MACC1: variants seen among roughly 807,000 people sequenced by gnomAD.
MACC1 encodes the protein MET transcriptional regulator MACC1, also known as metastasis-associated in colon cancer protein 1.
A neutral mutation model predicts 70.7 loss-of-function variants in MACC1; 79 were observed. The observed-to-expected ratio is 1.12, with a 90% confidence interval of 0.93 to 1.35. The LOEUF (loss-of-function observed/expected upper bound fraction) is 1.35, where lower values mean the gene tolerates loss of function less well. MACC1 is among the 40% of genes most tolerant of loss of function. The probability of loss-of-function intolerance (pLI) is 0.00; values close to 1 mark genes in which losing one functional copy is unlikely to be tolerated. For synonymous variants in MACC1, 361 were observed against 347.2 expected, an observed-to-expected ratio of 1.04 and a Z score of -0.44; for missense variants, 1,106 against 978.1, an observed-to-expected ratio of 1.13 and a Z score of -1.74.
chr7:20,172,027 A>G (rs971266469), intron 1 of MACC1, among the ~76,000 whole-genome samples: 1 of 152,222 alleles, frequency 6.6e-6, no homozygotes, highest in Non-Finnish European at 1.5e-5. Context: ...CGAAATAAAA[A>G]GACATAACTA....
intron 2 of MACC1, among the ~76,000 whole-genome samples, chr7:20,164,772 A>C (rs899926120): frequency 6.6e-6 from 1 of 152,234 alleles, no homozygotes; most frequent in African/African-American, 2.4e-5. Flanking sequence ...AGCTGAGCTC[A>C]AGTTCCTCAG....
At chr7:20,152,982 A>G (rs557525649) in intron 6 of MACC1, among the ~76,000 whole-genome samples, 23 of 152,310 alleles carry the variant, frequency 1.5e-4, no homozygotes, top group Admixed American at 1.3e-4. Flanking sequence ...CCTATCTTTC[A>G]TCTCATTCTG....
intron 6 of MACC1, among the ~76,000 whole-genome samples, chr7:20,149,323 A>T (rs1014563493): frequency 6.6e-6 from 1 of 152,222 alleles, no homozygotes; most frequent in Admixed American, 6.5e-5. Flanking sequence ...ACTCAAAGTT[A>T]TATAGTTATC....
rs1781750377 is a variant in MACC1, at chr7:20,138,549, G to GTGTT, written c.*2396_*2397insAACA. ...GGACTGTGTTCTGAAAGTAAAAACT[G>GTGTT]TGCTTTTTTTTCCTTCTCTCATAAT... On this transcript the variant is annotated 3_prime_UTR_variant, in exon 7 of 7. Transcript: ENST00000400331. 6.6e-6 allele frequency: 1 copy of GTGTT among 151,628 alleles called. No homozygotes were observed. The highest frequency in any genetic ancestry group is 1.5e-5 in the Non-Finnish European group (1 of 67,950). 9.4% of individuals were successfully genotyped at this position (151,628 alleles called of 1,614,324 possible).
rs1193387748 is a variant in MACC1 at position 20,135,029 on chromosome 7, T to C, written c.*5917A>G. 2.6e-5 allele frequency: 4 copies of C among 152,224 alleles called. No homozygotes were observed. The highest frequency in any genetic ancestry group is 4.4e-5 in the Non-Finnish European group (3 of 68,034). 9.4% of individuals were successfully genotyped at this position (152,224 alleles called of 1,614,324 possible). ...AATTCTACAGTGAAAGCAGGGCATA[T>C]AGATAGCTGTATTGATCACATTGAT... On this transcript the variant is annotated 3_prime_UTR_variant, in exon 7 of 7. Transcript: ENST00000400331.
chr7:20,187,683 A>G (rs1280761813), intron 1 of MACC1, among the ~76,000 whole-genome samples: 1 of 152,110 alleles, frequency 6.6e-6, no homozygotes, highest in African/African-American at 2.4e-5. Flanking sequence ...ACACAATCCT[A>G]CTGATCAGAC....
At position 20,137,376 on chromosome 7, in the gene MACC1, G is replaced by A. The variant is rs972550553; in HGVS notation, c.*3570C>T. The A allele has an allele frequency of 3.3e-5, 5 of 152,128 alleles. No individual in the cohort carries two copies. Among genetic ancestry groups the A allele is most frequent in the African/African-American group, 1.2e-4 (5 of 41,436 alleles). 9.4% of individuals were successfully genotyped at this position (152,128 alleles called of 1,614,324 possible). A position where few individuals can be genotyped will look rare whatever the true frequency, so the allele number is the denominator to read the frequency against. ...GTTCTACATTACAGGCCATGAAAAT[G>A]TGCTGTATCCATTTATTAGTATGAA... On this transcript the variant is annotated 3_prime_UTR_variant, in exon 7 of 7. Transcript: ENST00000400331.
chr7:20,173,315 C>G (rs1299923629), intron 1 of MACC1, among the ~76,000 whole-genome samples: 2 of 152,190 alleles, frequency 1.3e-5, no homozygotes, highest in Non-Finnish European at 2.9e-5. Context: ...TGTCTCGGGA[C>G]TATGTGCTAG....
chr7:20,158,568 T>C lies in MACC1; in HGVS notation c.1793A>G (p.Tyr598Cys), dbSNP rs761433129. 71 of 1,613,932 alleles carry C rather than the reference T, an allele frequency of 4.4e-5. No homozygotes were observed. The highest frequency in any genetic ancestry group is 5.6e-5 in the Non-Finnish European group (66 of 1,179,964). The change falls in exon 5 of 7, where the codon TAT (tyrosine) becomes TGT (cysteine). Residue 598 changes from tyrosine to cysteine, a missense_variant. Transcript: ENST00000400331. ...AIGQSKVKEWYVGVLRGKIGL... is the reference protein window; with the variant it reads ...AIGQSKVKEWCVGVLRGKIGL... ...AATCTTACCTCTGAGGACTCCTACA[T>C]ACCATTCTTTCACTTTGGACTGACC...
intron 1 of MACC1, among the ~76,000 whole-genome samples, chr7:20,191,900 T>C (rs928806208): frequency 6.6e-6 from 1 of 152,236 alleles, no homozygotes; most frequent in Admixed American, 6.5e-5. Context: ...TTTTCTGTAG[T>C]ATTTATTTAG....
intron 1 of MACC1, among the ~76,000 whole-genome samples, chr7:20,190,919 ACACAG>A (rs1782663492): frequency 6.6e-6 from 1 of 152,252 alleles, no homozygotes; most frequent in Non-Finnish European, 1.5e-5. Context: ...GTTACTATGT[ACACAG>A]AGCATATAAA....
At chr7:20,197,692 T>A (rs998602421) in intron 1 of MACC1, among the ~76,000 whole-genome samples, 4 of 152,172 alleles carry the variant, frequency 2.6e-5, no homozygotes, top group Admixed American at 6.5e-5. Flanking sequence ...TGAACAAAGA[T>A]TTCAGACAAA....
intron 1 of MACC1, among the ~76,000 whole-genome samples, chr7:20,180,260 C>T (rs3114463): frequency 0.69 from 104,647 of 151,422 alleles, 38,362 homozygotes; most frequent in East Asian, 1. Context: ...CTGGCCAACA[C>T]GGTAAAACCC....
At chr7:20,183,015 C>T (rs1782533616) in intron 1 of MACC1, among the ~76,000 whole-genome samples, 1 of 152,114 alleles carries the variant, frequency 6.6e-6, no homozygotes, top group Admixed American at 6.6e-5. Flanking sequence ...AAGATCACCC[C>T]CAGTGACTCT....
At chr7:20,183,710 C>CTTTTTTTTTTTTTTTTTTTTT in intron 1 of MACC1, among the ~76,000 whole-genome samples, 1 of 140,564 alleles carries the variant, frequency 7.1e-6, no homozygotes. Flanking sequence ...CTGATTCTAA[C>CTTTTTTTTTTTTTTTTTTTTT]TTTTTTTTTT....
intron 1 of MACC1, among the ~76,000 whole-genome samples, chr7:20,193,865 C>T (rs1317988961): frequency 1.3e-5 from 2 of 151,400 alleles, no homozygotes; most frequent in African/African-American, 4.9e-5. Context: ...TGTTCTCCAA[C>T]CCCGGCTCTG....
intron 1 of MACC1, among the ~76,000 whole-genome samples, chr7:20,187,953 T>G (rs1782614316): frequency 1.3e-5 from 2 of 152,176 alleles, no homozygotes; most frequent in African/African-American, 2.4e-5. Context: ...GAAAGAGGTT[T>G]AATTGACTCA....
Position 20,158,831 on chromosome 7 carries a change from G to T in MACC1, c.1530C>A (p.Asn510Lys), listed in dbSNP as rs764571971. Residue 510 changes from asparagine to lysine, a missense_variant, in exon 5 of 7, where the codon AAC becomes AAA. Transcript: ENST00000400331. Reference protein sequence around the residue: ...FSITTPDPTPNLKRLSNLPGY... With the variant: ...FSITTPDPTPKLKRLSNLPGY... ...CTGGCAGATTCGAGAGTCTTTTTAG[G>T]TTTGGGGTTGGATCAGGAGTAGTGA... is the stretch of plus-strand genomic sequence containing the variant. 2 of 1,614,096 alleles carry T rather than the reference G, an allele frequency of 1.2e-6. No homozygotes were observed. The highest frequency in any genetic ancestry group is 2.2e-5 in the South Asian group (2 of 91,084).
At chr7:20,214,427 T>C (rs992917553) in intron 1 of MACC1, among the ~76,000 whole-genome samples, 8 of 152,178 alleles carry the variant, frequency 5.3e-5, no homozygotes, top group Middle Eastern at 3.2e-3. Context: ...TGGTACCTCA[T>C]CATGATTTTT....
Sources: allele counts gnomAD v4.1 joint callset (sites outside exome capture counted in the v4.1 genomes callset), GRCh38; gene constraint gnomAD v4.1.1; transcripts MANE v1.5; gene names NCBI Gene and HGNC (gene_info 2026-07-23, HGNC 2026-07-21).